HSCB: variants seen among roughly 807,000 people sequenced by gnomAD.
The protein encoded by HSCB is iron-sulfur cluster co-chaperone protein HscB.
In HSCB, 23 loss-of-function variants were observed where a neutral mutation model predicts 31.3. The ratio of observed to expected loss-of-function variants is 0.74; its 90% CI spans 0.53 to 1.04. HSCB has a LOEUF of 1.04. Among genes scored for constraint, HSCB ranks in the 50% least tolerant of loss-of-function variants. The pLI, the probability that HSCB is intolerant of heterozygous loss-of-function variation, is 0.00. For missense variants in HSCB, 297 were observed against 288.1 expected, an observed-to-expected ratio of 1.03 and a Z score of -0.22; for synonymous variants, 110 against 104.5, an observed-to-expected ratio of 1.05 and a Z score of -0.32.
intron 5 of HSCB, among the ~76,000 whole-genome samples, chr22:28,756,063 A>G (rs1220186677): frequency 2.6e-5 from 4 of 151,868 alleles, no homozygotes; most frequent in African/African-American, 9.7e-5. Flanking sequence ...CATGGCCAAC[A>G]TGGTGAAACC....
At chr22:28,747,022 C>T (rs1356959599) in intron 4 of HSCB, among the ~76,000 whole-genome samples, 2 of 152,004 alleles carry the variant, frequency 1.3e-5, no homozygotes, top group Non-Finnish European at 1.5e-5. Flanking sequence ...TGAGATCACA[C>T]CACTGTACTC....
At chr22:28,752,253 G>T (rs1460436329) in intron 5 of HSCB, among the ~76,000 whole-genome samples, 1 of 152,002 alleles carries the variant, frequency 6.6e-6, no homozygotes, top group Non-Finnish European at 1.5e-5. Flanking sequence ...GGCCAACATG[G>T]TGAAACCCCA....
intron 4 of HSCB, among the ~76,000 whole-genome samples, chr22:28,749,597 T>C (rs1432356885): frequency 2.0e-5 from 3 of 152,214 alleles, no homozygotes; most frequent in African/African-American, 7.2e-5. Context: ...AAAGTACTTA[T>C]AGTTTAAAAG....
In HSCB at chr22:28,757,341, C is replaced by T. The variant is rs1391832345; in HGVS notation, c.*172C>T. 4.4e-5 allele frequency: 20 copies of T among 453,252 alleles called. No homozygotes were observed. The Admixed American group carries it at 4.6e-4, about 10-fold the overall frequency. The allele number at this position is 453,252 out of a possible 1,614,324, so 28.1% of individuals were successfully genotyped here. On this transcript the variant is annotated 3_prime_UTR_variant, in exon 6 of 6. Coordinates refer to ENST00000216027, the MANE Select transcript of HSCB (RefSeq NM_172002.5). ...CTCTGCTGAAAATACAAAAATTAGC[C>T]GGGCATGGTGGCGCGTGCCTGTAAT...
At chr22:28,754,595 G>A (rs1018929467) in intron 5 of HSCB, among the ~76,000 whole-genome samples, 5 of 151,954 alleles carry the variant, frequency 3.3e-5, no homozygotes, top group Non-Finnish European at 7.4e-5. Flanking sequence ...ACTTGAACCC[G>A]GGAGGTGGAG....
intron 3 of HSCB, 97 bp from the exon 4 acceptor site, chr22:28,745,767 C>T: frequency 2.0e-6 from 2 of 1,011,978 alleles, no homozygotes; most frequent in South Asian, 1.7e-5. Flanking sequence ...TTGCAGTTTT[C>T]TCTATTAGTG....
intron 4 of HSCB, among the ~76,000 whole-genome samples, chr22:28,748,078 G>A (rs963784262): frequency 2.6e-5 from 4 of 152,156 alleles, no homozygotes; most frequent in Admixed American, 1.3e-4. Flanking sequence ...CCAGCTACTC[G>A]GGAGGCTGAG....
In HSCB at chr22:28,744,038, C is replaced by T. The variant is rs1266048005; in HGVS notation, c.333+60C>T. The stretch of plus-strand genomic sequence containing the variant: ...ATGTGTGCACACTGGGTGGCAGTAG[C>T]CTTGTGGTTATGTGATTATCAGGGA... On this transcript the variant is annotated intron_variant, in intron 2 of 5. Coordinates refer to ENST00000216027, the MANE Select transcript of HSCB (RefSeq NM_172002.5). The T allele has an allele frequency of 4.0e-6, 5 of 1,259,126 alleles. No homozygotes were observed. The Admixed American group carries it at 8.4e-5, about 21-fold the overall frequency. The allele number at this position is 1,259,126 out of a possible 1,614,324, so 78.0% of individuals were successfully genotyped here.
chr22:28,752,762 G>C (rs1286103366), intron 5 of HSCB, among the ~76,000 whole-genome samples: 1 of 150,908 alleles, frequency 6.6e-6, no homozygotes, highest in Non-Finnish European at 1.5e-5. Flanking sequence ...GTTGACAGGA[G>C]ACCTGCCACG....
intron 5 of HSCB, among the ~76,000 whole-genome samples, chr22:28,752,429 C>CAAAAA (rs564221588): frequency 9.1e-5 from 6 of 65,978 alleles, no homozygotes; most frequent in African/African-American, 2.8e-4. Context: ...GACTTTGTCT[C>CAAAAA]AAAAAAAAAA....
In HSCB at chr22:28,751,399, G is replaced by A. The variant is rs1322254787; in HGVS notation, c.616+111G>A. 5 of 607,814 alleles carry A rather than the reference G, an allele frequency of 8.2e-6. No homozygotes were observed. The Admixed American group carries it at 1.6e-4, about 20-fold the overall frequency. 37.7% of individuals were successfully genotyped at this position (607,814 alleles called of 1,614,324 possible). On this transcript the variant is annotated intron_variant, in intron 5 of 5. Transcript: ENST00000216027. ...ATACCTTCCTATGATAGCTATATAG[G>A]GAGATATGAAATACTTATGAGTCTA...
At chr22:28,746,986 C>T (rs1485918747) in intron 4 of HSCB, among the ~76,000 whole-genome samples, 1 of 151,832 alleles carries the variant, frequency 6.6e-6, no homozygotes, top group East Asian at 1.9e-4. Flanking sequence ...ATCATCTGAG[C>T]CCAGGAGGCA....
intron 5 of HSCB, among the ~76,000 whole-genome samples, chr22:28,756,450 A>G (rs2030600591): frequency 6.7e-6 from 1 of 148,694 alleles, no homozygotes; most frequent in African/African-American, 2.5e-5. Flanking sequence ...GAAATTTTTA[A>G]AACACAACCA....
At chr22:28,751,453 A>G (rs1342209156) in intron 5 of HSCB, among the ~76,000 whole-genome samples, 165 bp downstream of exon 5, 2 of 152,224 alleles carry the variant, frequency 1.3e-5, no homozygotes, top group African/African-American at 2.4e-5. Context: ...AATGCCTTTA[A>G]GAATCTACAT....
At chr22:28,754,107 G>C (rs932446419) in intron 5 of HSCB, among the ~76,000 whole-genome samples, 2 of 150,662 alleles carry the variant, frequency 1.3e-5, no homozygotes, top group Non-Finnish European at 2.9e-5. Flanking sequence ...CACTCCTGAC[G>C]GCAACAAGAG....
intron 2 of HSCB, 82 bp downstream of exon 2, chr22:28,744,060 G>A: frequency 1.8e-6 from 2 of 1,087,220 alleles, no homozygotes; most frequent in South Asian, 2.5e-5. Flanking sequence ...GTGATTATCA[G>A]GGACTGAGCT....
At chr22:28,756,317 G>A (rs986329082) in intron 5 of HSCB, among the ~76,000 whole-genome samples, 2 of 151,922 alleles carry the variant, frequency 1.3e-5, no homozygotes, top group Non-Finnish European at 1.5e-5. Flanking sequence ...GCCCCCGGAG[G>A]GTACCTCTGT....
intron 4 of HSCB, among the ~76,000 whole-genome samples, chr22:28,747,497 T>TCTGTATAAA (rs1053655037): frequency 6.6e-6 from 1 of 152,054 alleles, no homozygotes; most frequent in African/African-American, 2.4e-5. Context: ...AGATGGGGTT[T>TCTGTATAAA]CACCATGTTG....
At chr22:28,746,579 C>G (rs141039139) in intron 4 of HSCB, among the ~76,000 whole-genome samples, 2 of 151,304 alleles carry the variant, frequency 1.3e-5, no homozygotes, top group Non-Finnish European at 2.9e-5. Context: ...GTGGCGAAAC[C>G]CCATCTCTAA....
Sources: gnomAD v4.1 joint callset for allele counts (sites outside exome capture counted in the v4.1 genomes callset) on GRCh38, gnomAD v4.1.1 for gene constraint, MANE v1.5 for transcripts, NCBI Gene and HGNC (gene_info 2026-07-23, HGNC 2026-07-21) for gene names.